MMP20: variants seen among roughly 807,000 people sequenced by gnomAD.
MMP20 encodes matrix metallopeptidase 20.
A neutral mutation model predicts 51.8 loss-of-function variants in MMP20; 50 were observed. The ratio of observed to expected loss-of-function variants is 0.97; its 90% confidence interval spans 0.77 to 1.22. The LOEUF is 1.22. Among genes scored for constraint, MMP20 ranks in the 50% most tolerant of loss-of-function variants. The probability of loss-of-function intolerance (pLI) is 0.00; values close to 1 mark genes in which losing one functional copy is unlikely to be tolerated. For synonymous variants in MMP20, 244 were observed against 216.2 expected, an observed-to-expected ratio of 1.13 and a Z score of -1.13; for missense variants, 663 against 601.4, an observed-to-expected ratio of 1.10 and a Z score of -1.07.
intron 8 of MMP20, among the ~76,000 whole-genome samples, chr11:102,587,570 C>T (rs1000025386): frequency 1.2e-4 from 19 of 152,216 alleles, no homozygotes; most frequent in African/African-American, 4.6e-4. Context: ...ATTATTGTTT[C>T]ATTATTGACT....
intron 8 of MMP20, among the ~76,000 whole-genome samples, chr11:102,583,203 T>A (rs761279685): frequency 2.0e-5 from 3 of 152,188 alleles, no homozygotes; most frequent in Non-Finnish European, 4.4e-5. Flanking sequence ...CCCCAACTAG[T>A]CAGTCATCCA....
intron 1 of MMP20, among the ~76,000 whole-genome samples, chr11:102,620,982 G>A (rs1859743060): frequency 6.6e-6 from 1 of 152,152 alleles, no homozygotes; most frequent in African/African-American, 2.4e-5. Flanking sequence ...GCCCTGTTTC[G>A]GCTGCTTGAG....
intron 1 of MMP20, among the ~76,000 whole-genome samples, chr11:102,617,759 C>A (rs773699140): frequency 1.3e-5 from 2 of 152,160 alleles, no homozygotes; most frequent in African/African-American, 2.4e-5. Context: ...CATAAAGCCC[C>A]TCAGTATATA....
In MMP20 at chr11:102,577,435, GAC is replaced by G; in HGVS notation, c.1352-11_1352-10del. 1 of 1,592,748 alleles carries G rather than the reference GAC, an allele frequency of 6.3e-7. No homozygotes were observed. Among genetic ancestry groups the G allele is most frequent in the Non-Finnish European group, 8.6e-7 (1 of 1,160,722 alleles). On this transcript the variant is annotated splice_polypyrimidine_tract_variant and intron_variant, in intron 9 of 9. Transcript: ENST00000260228. ...AAAGAAGTAAATGTAGCCTAAAAGA[GAC>G]AAAGTTGAAATTGGGTTACTGAAGA...
At chr11:102,589,389 T>C (rs927282617) in intron 8 of MMP20, among the ~76,000 whole-genome samples, 8 of 152,240 alleles carry the variant, frequency 5.3e-5, no homozygotes, top group African/African-American at 1.4e-4. Flanking sequence ...CTGATCTTCA[T>C]GAAGTCTTGT....
At chr11:102,590,149 C>A (rs954867229) in intron 8 of MMP20, among the ~76,000 whole-genome samples, 2 of 152,096 alleles carry the variant, frequency 1.3e-5, no homozygotes, top group Admixed American at 1.3e-4. Context: ...CTTGATGTAG[C>A]CACTGCTCTG....
chr11:102,610,374 G>A (rs1859582495), intron 3 of MMP20, among the ~76,000 whole-genome samples: 1 of 151,934 alleles, frequency 6.6e-6, no homozygotes. Flanking sequence ...GGGCGGGGCG[G>A]CGGGGGGGCG....
chr11:102,622,236 G>A (rs1165549559), intron 1 of MMP20, among the ~76,000 whole-genome samples: 1 of 152,060 alleles, frequency 6.6e-6, no homozygotes, highest in Non-Finnish European at 1.5e-5. Flanking sequence ...GTGTTTCCAG[G>A]AGCCATTTGT....
intron 6 of MMP20, among the ~76,000 whole-genome samples, chr11:102,599,817 C>T (rs1364697016): frequency 6.6e-6 from 1 of 152,194 alleles, no homozygotes; most frequent in East Asian, 1.9e-4. Flanking sequence ...GAATCATCCA[C>T]CTCACTGAAC....
chr11:102,586,031 A>G (rs1281659851), intron 8 of MMP20, among the ~76,000 whole-genome samples: 1 of 152,148 alleles, frequency 6.6e-6, no homozygotes, highest in Non-Finnish European at 1.5e-5. Context: ...TTGTAGCCAT[A>G]TTCACAATAG....
At position 102,625,197 on chromosome 11, in the gene MMP20, T is replaced by A; in HGVS notation, c.123A>T (p.Ala41=). Residue 41 remains alanine (A), a synonymous_variant, in exon 1 of 10, where the codon GCA becomes GCT. Transcript: ENST00000260228. The stretch of plus-strand genomic sequence containing the variant: ...AATTGGGCAAAAATTCACAAACCTG[T>A]GCGAGGCGGTAGTTGTTCCTCCAGG... ...PRTWRNNYRL[A]QAYLDKYYTN... is the part of the protein sequence containing the mutation. 1.2e-6 allele frequency: 2 copies of A among 1,613,848 alleles called. No individual in the cohort carries two copies. Among genetic ancestry groups the A allele is most frequent in the South Asian group, 2.2e-5 (2 of 91,070 alleles).
chr11:102,609,781 T>C, intron 4 of MMP20, 124 bp downstream of exon 4: 1 of 1,415,704 alleles, frequency 7.1e-7, no homozygotes, highest in Non-Finnish European at 9.9e-7. Context: ...TTTGGCTTAC[T>C]TGTTTTTCCT....
rs1246806194 is a variant in MMP20, at chr11:102,594,899, T to C, written c.954-142A>G. ...CTTGCCTTGCCTTGCCTTGTTTTTT[T>C]TCTCTTTTCTTTTTTTTTTTTTTTG... is the stretch of plus-strand genomic sequence containing the variant. On this transcript the variant is annotated intron_variant, in intron 6 of 9. Coordinates refer to ENST00000260228, the MANE Select transcript of MMP20 (RefSeq NM_004771.4). 10 of 1,003,546 alleles carry C rather than the reference T, an allele frequency of 1.0e-5. No individual in the cohort carries two copies. The Admixed American group carries it at 3.0e-4, about 30-fold the overall frequency. The allele number at this position is 1,003,546 out of a possible 1,614,324, so 62.2% of individuals were successfully genotyped here. A position where few individuals can be genotyped will look rare whatever the true frequency, so the allele number is the denominator to read the frequency against.
chr11:102,618,244 T>C (rs1474428839), intron 1 of MMP20, among the ~76,000 whole-genome samples: 1 of 152,090 alleles, frequency 6.6e-6, no homozygotes, highest in African/African-American at 2.4e-5. Flanking sequence ...TGATTCCATG[T>C]GTACAGATCC....
intron 1 of MMP20, among the ~76,000 whole-genome samples, chr11:102,624,056 T>G (rs1024599519): frequency 1.3e-5 from 2 of 152,228 alleles, no homozygotes; most frequent in Non-Finnish European, 2.9e-5. Context: ...GGCTGATATT[T>G]AAGTGTTTAA....
chr11:102,588,943 T>C (rs1291765704), intron 8 of MMP20, among the ~76,000 whole-genome samples: 3 of 151,996 alleles, frequency 2.0e-5, no homozygotes, highest in Non-Finnish European at 4.4e-5. Flanking sequence ...TTATCTGGCT[T>C]CAAGTCTCGT....
chr11:102,616,393 C>A (rs1366054803), intron 2 of MMP20, among the ~76,000 whole-genome samples: 1 of 152,110 alleles, frequency 6.6e-6, no homozygotes, highest in Non-Finnish European at 1.5e-5. Context: ...ACCTTTATAA[C>A]CCTCAAATGG....
intron 1 of MMP20, among the ~76,000 whole-genome samples, chr11:102,617,479 G>C (rs374259251): frequency 1.3e-5 from 2 of 152,242 alleles, no homozygotes; most frequent in South Asian, 2.1e-4. Flanking sequence ...GGTTTCTTTG[G>C]TAAACAGTTA....
chr11:102,605,943 GC>G (rs1859509184), intron 6 of MMP20, among the ~76,000 whole-genome samples: 1 of 152,146 alleles, frequency 6.6e-6, no homozygotes, highest in African/African-American at 2.4e-5. Flanking sequence ...TCTGTGAAAG[GC>G]CCGGAGGCAC....
Sources: allele counts gnomAD v4.1 joint callset (sites outside exome capture counted in the v4.1 genomes callset), GRCh38; gene constraint gnomAD v4.1.1; transcripts MANE v1.5; gene names NCBI Gene and HGNC (gene_info 2026-07-23, HGNC 2026-07-21).